Variants in PCDHGA10 observed in about 807,000 individuals in gnomAD.
The protein encoded by PCDHGA10 is protocadherin gamma subfamily A, 10, also known as protocadherin gamma-A10.
PCDHGA10 carries 42 observed loss-of-function variants against 59.5 expected under a neutral mutation model. The ratio of observed to expected loss-of-function variants is 0.71; its 90% confidence interval spans 0.55 to 0.91. The LOEUF is 0.91. Ranked by LOEUF, PCDHGA10 falls within the 40% of genes least tolerant of loss-of-function variation. PCDHGA10 has a pLI of 0.00. For synonymous variants in PCDHGA10, 511 were observed against 517.2 expected (o/e 0.99, Z 0.16); for missense variants, 1,111 against 1,198.2 (o/e 0.93, Z 1.07).
intron 1 of PCDHGA10, among the ~76,000 whole-genome samples, chr5:141,469,967 C>G (rs2099217411): frequency 6.6e-6 from 1 of 152,124 alleles, no homozygotes; most frequent in Admixed American, 6.6e-5. Flanking sequence ...CCCATCTGTA[C>G]CAAAAATACA....
chr5:141,431,442 TCC>T lies in PCDHGA10; in HGVS notation c.2436+15832_2436+15833del. ...CCGGTGCGCACAGGCACCGCGCGCATCCGCGTGATGGTTCTGGATGCGAACGA... is the reference window on the plus strand; with the variant it reads ...CCGGTGCGCACAGGCACCGCGCGCATGCGTGATGGTTCTGGATGCGAACGA... On this transcript the variant is annotated intron_variant, in intron 1 of 3. Transcript: ENST00000398610. This position sits in a 1 kb window ranked among gnomAD's most constrained non-coding sequence, Gnocchi z 4.8. 1 of 1,613,746 alleles carries T rather than the reference TCC, an allele frequency of 6.2e-7. No homozygotes were observed. The highest frequency in any genetic ancestry group is 1.3e-5 in the African/African-American group (1 of 75,074).
intron 2 of PCDHGA10, among the ~76,000 whole-genome samples, chr5:141,495,826 A>G (rs1190417828): frequency 6.6e-6 from 1 of 150,888 alleles, no homozygotes; most frequent in African/African-American, 2.4e-5. Flanking sequence ...GTGTTCTTCT[A>G]TCCCCAGCCT....
rs775705715 is a variant in PCDHGA10 at position 141,422,475 on chromosome 5, C to T, written c.2436+6864C>T. ...GCAGAGTGCTGGACAGGGAGTTGGT[C>T]CAGAGCTACAATATAACGTTGACAG... On this transcript the variant is annotated intron_variant, in intron 1 of 3. Coordinates refer to ENST00000398610, the MANE Select transcript of PCDHGA10 (RefSeq NM_018913.3). The T allele has an allele frequency of 7.4e-6, 12 of 1,613,672 alleles. No individual in the cohort carries two copies. The East Asian group carries it at 2.0e-4, about 27-fold the overall frequency.
In PCDHGA10 at chr5:141,511,925, G is replaced by C. The variant is rs2099884008; in HGVS notation, c.*752G>C. 1 of 155,320 alleles carries C rather than the reference G, an allele frequency of 6.4e-6. No homozygotes were observed. Among genetic ancestry groups the C allele is most frequent in the Admixed American group, 6.3e-5 (1 of 15,924 alleles). 9.6% of individuals were successfully genotyped at this position (155,320 alleles called of 1,614,324 possible). A position where few individuals can be genotyped will look rare whatever the true frequency, so the allele number is the denominator to read the frequency against. ...CCTCAAACAAGAGACTCCACTGCAT[G>C]TTCCAAGACAGTATGGGGTGGTAAG... On this transcript the variant is annotated 3_prime_UTR_variant, in exon 4 of 4. Coordinates refer to ENST00000398610, the MANE Select transcript of PCDHGA10 (RefSeq NM_018913.3).
At chr5:141,478,759 A>G in intron 1 of PCDHGA10, 2 of 1,514,800 alleles carry the variant, frequency 1.3e-6, no homozygotes, top group African/African-American at 1.4e-5. Flanking sequence ...GGGGGAAGAT[A>G]CTTGACTCAT....
intron 1 of PCDHGA10, chr5:141,427,019 CAA>C (rs1369360584): frequency 8.8e-6 from 4 of 456,798 alleles, no homozygotes; most frequent in Admixed American, 2.3e-5. Flanking sequence ...AGGATGTATA[CAA>C]AGTCAGCCTT....
In PCDHGA10 at chr5:141,502,866, CT is replaced by C. The variant is rs549047197; in HGVS notation, c.2496-2513del. Among the ~76,000 whole-genome samples the C allele has an allele frequency of 2.5e-3, 324 of 127,930 alleles. 1 individual carries two copies. Among genetic ancestry groups the C allele is most frequent in the Non-Finnish European group, 3.0e-3 (189 of 62,366 alleles). 83.9% of individuals were successfully genotyped at this position (127,930 alleles called of 152,430 possible). On this transcript the variant is annotated intron_variant, in intron 2 of 3. Transcript: ENST00000398610. ...GAGCTGCCTAACCCTGACTCTCTGT[CT>C]TTTTTTTTTTTTTGACAGGGAGTCT...
In PCDHGA10 at chr5:141,432,115, C is replaced by G. The variant is rs753088299; in HGVS notation, c.2436+16504C>G. On this transcript the variant is annotated intron_variant, in intron 1 of 3. Transcript: ENST00000398610. This position sits in a 1 kb window ranked among gnomAD's most constrained non-coding sequence, Gnocchi z 6.0. ...ACACCAACGACAACCCGCCGGTCTT[C>G]CCTCAGGCCTCCTATTCCGCTTATA... The G allele has an allele frequency of 1.2e-5, 20 of 1,614,178 alleles. No individual in the cohort carries two copies. Among genetic ancestry groups the G allele is most frequent in the Non-Finnish European group, 1.6e-5 (19 of 1,180,050 alleles).
chr5:141,498,684 C>T (rs1255085852), intron 2 of PCDHGA10, among the ~76,000 whole-genome samples: 1 of 152,192 alleles, frequency 6.6e-6, no homozygotes, highest in South Asian at 2.1e-4. Flanking sequence ...GTAATCCCAG[C>T]ACTTTGGGAG....
At chr5:141,421,824 A>G in intron 1 of PCDHGA10, 1 of 1,613,768 alleles carries the variant, frequency 6.2e-7, no homozygotes, top group Non-Finnish European at 8.5e-7. Flanking sequence ...TACTGGAGGG[A>G]AGCCTGGACC....
chr5:141,492,042 A>T, intron 1 of PCDHGA10: 1 of 519,520 alleles, frequency 1.9e-6, no homozygotes, highest in Non-Finnish European at 3.4e-6. Context: ...GCAGTCACAG[A>T]TCCACCCCTG....
At chr5:141,501,116 C>T (rs1325487254) in intron 2 of PCDHGA10, among the ~76,000 whole-genome samples, 1 of 152,154 alleles carries the variant, frequency 6.6e-6, no homozygotes, top group Non-Finnish European at 1.5e-5. Flanking sequence ...ATCCGCCTGC[C>T]TCAGCCTCCC....
At chr5:141,430,448 G>T in intron 1 of PCDHGA10, 1 of 192,294 alleles carries the variant, frequency 5.2e-6, no homozygotes. Flanking sequence ...ATCCCCTTTT[G>T]AAGAACAGTA....
intron 1 of PCDHGA10, among the ~76,000 whole-genome samples, chr5:141,472,030 G>A (rs2099269943): frequency 6.6e-6 from 1 of 152,030 alleles, no homozygotes; most frequent in African/African-American, 2.4e-5. Flanking sequence ...TATGTAGAAA[G>A]CTGTGAAAAG....
chr5:141,485,641 G>T lies in PCDHGA10; in HGVS notation c.2437-9166G>T. The T allele has an allele frequency of 6.2e-7, 1 of 1,612,012 alleles. No individual in the cohort carries two copies. Among genetic ancestry groups the T allele is most frequent in the Non-Finnish European group, 8.5e-7 (1 of 1,178,470 alleles). On this transcript the variant is annotated intron_variant, in intron 1 of 3. Transcript: ENST00000398610. The surrounding 1 kb of genome is among the most constrained non-coding windows in gnomAD (Gnocchi z 5.7). Reference sequence around the variant, plus strand: ...CAGGACAGCGTTTCCCGTTGGAAAAGGCTCAGGATGCAGATGTGGGGAGCA... The same window carrying T: ...CAGGACAGCGTTTCCCGTTGGAAAATGCTCAGGATGCAGATGTGGGGAGCA...
intron 2 of PCDHGA10, among the ~76,000 whole-genome samples, chr5:141,497,767 C>T (rs1419825322): frequency 1.3e-5 from 2 of 152,066 alleles, no homozygotes; most frequent in East Asian, 3.9e-4. Flanking sequence ...TCAAACTCCC[C>T]GACCTCAACT....
In PCDHGA10 at chr5:141,485,848, C is replaced by A; in HGVS notation, c.2437-8959C>A. The stretch of plus-strand genomic sequence containing the variant: ...GAGGGAACCCGCCGAGATCTGGCAC[C>A]GCAGAGCTCCGGGTATCCGTGCTGG... On this transcript the variant is annotated intron_variant, in intron 1 of 3. Transcript: ENST00000398610. This position sits in a 1 kb window ranked among gnomAD's most constrained non-coding sequence, Gnocchi z 5.7. 1 of 1,614,192 alleles carries A rather than the reference C, an allele frequency of 6.2e-7. No homozygotes were observed. The highest frequency in any genetic ancestry group is 8.5e-7 in the Non-Finnish European group (1 of 1,180,020).
In PCDHGA10 at chr5:141,491,722, C is replaced by T. The variant is rs1276921909; in HGVS notation, c.2437-3085C>T. ...CCAGGTGAGGGGCTCGGCGCCGCCC[C>T]GGGCGACCCCTGGGGGCGGCACTGG... On this transcript the variant is annotated intron_variant, in intron 1 of 3. Coordinates refer to ENST00000398610, the MANE Select transcript of PCDHGA10 (RefSeq NM_018913.3). This position sits in a 1 kb window ranked among gnomAD's most constrained non-coding sequence, Gnocchi z 6.9. The T allele has an allele frequency of 6.2e-7, 1 of 1,607,004 alleles. No homozygotes were observed.
At chr5:141,422,592 C>T (rs2096658264) in intron 1 of PCDHGA10, 1 of 1,614,090 alleles carries the variant, frequency 6.2e-7, no homozygotes. Flanking sequence ...TTTTTCCTCA[C>T]TCCTCTTACT....
Sources: gnomAD v4.1 joint callset for allele counts (sites outside exome capture counted in the v4.1 genomes callset) on GRCh38, gnomAD v4.1.1 for gene constraint, Gnocchi (gnomAD v3.1) non-coding constraint, MANE v1.5 for transcripts, NCBI Gene and HGNC (gene_info 2026-07-23, HGNC 2026-07-21) for gene names.